Variants in MAST4 observed in about 807,000 individuals in gnomAD.
MAST4 encodes microtubule associated serine/threonine kinase family member 4, also known as microtubule-associated serine/threonine-protein kinase 4.
Under a neutral mutation model 162.7 loss-of-function variants are expected in MAST4, and 89 were observed. The ratio of observed to expected loss-of-function variants is 0.55; its 90% CI spans 0.46 to 0.65. The LOEUF is 0.65. Ranked by LOEUF, MAST4 falls within the 30% of genes least tolerant of loss-of-function variation. The probability of loss-of-function intolerance (pLI) is 0.00; values close to 1 mark genes in which losing one functional copy is unlikely to be tolerated. For synonymous variants in MAST4, 1,479 were observed against 1,361.1 expected, an observed-to-expected ratio of 1.09 and a Z score of -1.91; for missense variants, 3,153 against 3,374.0, an observed-to-expected ratio of 0.93 and a Z score of 1.62.
At chr5:67,113,367 T>C (rs551881095) in intron 11 of MAST4, among the ~76,000 whole-genome samples, 44 of 144,272 alleles carry the variant, frequency 3.0e-4, no homozygotes, top group Middle Eastern at 3.8e-3. Context: ...CATTTGACAG[T>C]ATCATAACAT....
intron 2 of MAST4, 63 bp from the exon 3 acceptor site, chr5:66,788,607 C>CCAACCAAAAAAAAAAAAAAA: frequency 2.2e-6 from 3 of 1,373,724 alleles, no homozygotes; most frequent in Non-Finnish European, 3.0e-6. Flanking sequence ...CCCCCACCCC[C>CCAACCAAAAAAAAAAAAAAA]ATTGCAATAA....
intron 1 of MAST4, among the ~76,000 whole-genome samples, chr5:66,757,232 G>A (rs527797530): frequency 4.6e-5 from 7 of 152,142 alleles, no homozygotes; most frequent in Non-Finnish European, 1.0e-4. Context: ...AGATGCTGAT[G>A]AACCTTAAAT....
At chr5:67,060,009 A>G (rs1041512873) in intron 5 of MAST4, among the ~76,000 whole-genome samples, 3 of 152,108 alleles carry the variant, frequency 2.0e-5, no homozygotes, top group Non-Finnish European at 4.4e-5. Flanking sequence ...CCACCCCACA[A>G]CCACCCATGG....
At chr5:66,717,419 A>C (rs981659323) in intron 1 of MAST4, among the ~76,000 whole-genome samples, 6 of 152,260 alleles carry the variant, frequency 3.9e-5, no homozygotes, top group Non-Finnish European at 5.9e-5. Context: ...GCCTATATTC[A>C]TAAAGAAAGG....
At chr5:66,942,260 T>TA (rs888162914) in intron 4 of MAST4, among the ~76,000 whole-genome samples, 1 of 152,118 alleles carries the variant, frequency 6.6e-6, no homozygotes, top group Non-Finnish European at 1.5e-5. Flanking sequence ...AAGACTATGA[T>TA]AAAAAATTAG....
rs116312263 is a variant in MAST4, at chr5:66,612,918, A to G, written c.363+15900A>G. The stretch of plus-strand genomic sequence containing the variant: ...TGACATGTTGCGTCTTACATATTTT[A>G]TAGGTAATTTTGTATCTAATTAAAA... On this transcript the variant is annotated intron_variant, in intron 1 of 28. Transcript: ENST00000403625. 6.7e-3 allele frequency among the ~76,000 whole-genome samples: 1,028 copies of G among 152,336 alleles called. 12 individuals carry two copies. Among genetic ancestry groups the G allele is most frequent in the African/African-American group, 0.023 (974 of 41,574 alleles).
chr5:67,132,061 G>A, intron 16 of MAST4, 110 bp downstream of exon 16: 1 of 1,231,018 alleles, frequency 8.1e-7, no homozygotes, highest in Non-Finnish European at 1.1e-6. Flanking sequence ...ATTCCATAAT[G>A]TCCAAAATGA....
chr5:66,937,597 T>C (rs1647241321), intron 4 of MAST4, among the ~76,000 whole-genome samples: 1 of 152,208 alleles, frequency 6.6e-6, no homozygotes, highest in Non-Finnish European at 1.5e-5. Context: ...TTAACAAGGG[T>C]AGACATATGT....
chr5:66,802,037 C>T (rs939002087), intron 3 of MAST4, among the ~76,000 whole-genome samples: 1 of 152,102 alleles, frequency 6.6e-6, no homozygotes. Flanking sequence ...AAGAACATTG[C>T]TTATGAAATC....
chr5:66,844,749 G>C (rs1561375303), intron 3 of MAST4, among the ~76,000 whole-genome samples: 2 of 152,054 alleles, frequency 1.3e-5, no homozygotes, highest in Admixed American at 6.6e-5. Context: ...AGTATAAAGA[G>C]TGCTGTAAGA....
chr5:66,788,607 C>CCAAGCACAAAA, intron 2 of MAST4, 63 bp from the exon 3 acceptor site: 1 of 1,373,724 alleles, frequency 7.3e-7, no homozygotes, highest in Middle Eastern at 1.9e-4. Context: ...CCCCCACCCC[C>CCAAGCACAAAA]ATTGCAATAA....
At chr5:66,820,540 A>G (rs1756943195) in intron 3 of MAST4, among the ~76,000 whole-genome samples, 1 of 152,210 alleles carries the variant, frequency 6.6e-6, no homozygotes, top group Admixed American at 6.5e-5. Context: ...TAATTGAAAA[A>G]ATATATATTG....
At chr5:66,890,346 A>T (rs1762290912) in intron 3 of MAST4, among the ~76,000 whole-genome samples, 1 of 152,198 alleles carries the variant, frequency 6.6e-6, no homozygotes, top group Non-Finnish European at 1.5e-5. Context: ...CCTAGGTCAT[A>T]CTGACTTGAA....
intron 1 of MAST4, among the ~76,000 whole-genome samples, chr5:66,634,753 G>A (rs1744998684): frequency 6.6e-6 from 1 of 152,188 alleles, no homozygotes; most frequent in African/African-American, 2.4e-5. Flanking sequence ...CTGAACCTTG[G>A]GGCTGTGTGA....
At chr5:66,746,357 T>G (rs1752758973) in intron 1 of MAST4, among the ~76,000 whole-genome samples, 1 of 152,156 alleles carries the variant, frequency 6.6e-6, no homozygotes. Context: ...ACAGTGAGCC[T>G]TTCTGGAACA....
At chr5:66,725,436 T>C (rs1474057260) in intron 1 of MAST4, among the ~76,000 whole-genome samples, 1 of 152,198 alleles carries the variant, frequency 6.6e-6, no homozygotes, top group Non-Finnish European at 1.5e-5. Flanking sequence ...TTCACTTGCT[T>C]CAGCTGCTGT....
rs895705141 is a variant in MAST4, at chr5:66,877,223, A to T, written c.643-22728A>T. Among the ~76,000 whole-genome samples the T allele has an allele frequency of 4.6e-5, 7 of 152,224 alleles. No homozygotes were observed. The East Asian group carries it at 1.3e-3, about 29-fold the overall frequency. ...GAAATATGATATAAGGGAGGCTTAA[A>T]TGCTTGAGTGAGAAGTGGATGCAGC... On this transcript the variant is annotated intron_variant, in intron 3 of 28. Coordinates refer to ENST00000403625, the MANE Select transcript of MAST4 (RefSeq NM_001164664.2).
intron 14 of MAST4, among the ~76,000 whole-genome samples, chr5:67,128,497 A>T (rs1768531185): frequency 6.6e-6 from 1 of 152,208 alleles, no homozygotes; most frequent in Non-Finnish European, 1.5e-5. Flanking sequence ...AAATAATAAT[A>T]ATGTTTAGAC....
intron 4 of MAST4, among the ~76,000 whole-genome samples, chr5:67,005,913 C>A (rs1425853550): frequency 6.6e-6 from 1 of 152,228 alleles, no homozygotes; most frequent in Non-Finnish European, 1.5e-5. Flanking sequence ...TACATGTGAA[C>A]ATGCATGAGA....
Sources: allele counts gnomAD v4.1 joint callset (sites outside exome capture counted in the v4.1 genomes callset), GRCh38; gene constraint gnomAD v4.1.1; transcripts MANE v1.5; gene names NCBI Gene and HGNC (gene_info 2026-07-23, HGNC 2026-07-21).